GPM6A: variants seen among roughly 807,000 people sequenced by gnomAD.
GPM6A encodes glycoprotein M6A.
In GPM6A, 7 loss-of-function variants were observed where a neutral mutation model predicts 32.1. That is an observed-to-expected ratio of 0.22 (90% CI 0.12 to 0.41). GPM6A has a LOEUF of 0.41. Ranked by LOEUF, GPM6A falls within the 10% of genes least tolerant of loss-of-function variation. The pLI is 1.00. For synonymous variants in GPM6A, 130 were observed against 123.4 expected, an observed-to-expected ratio of 1.05 and a Z score of -0.35; for missense variants, 235 against 347.2, an observed-to-expected ratio of 0.68 and a Z score of 2.57.
chr4:175,944,136 C>T (rs1439583851), intron 1 of GPM6A, among the ~76,000 whole-genome samples: 1 of 152,164 alleles, frequency 6.6e-6, no homozygotes, highest in Non-Finnish European at 1.5e-5. Flanking sequence ...TTAACCATTT[C>T]TAGAAGCTTA....
chr4:175,680,915 C>A (rs941907171), intron 2 of GPM6A, among the ~76,000 whole-genome samples: 1 of 152,284 alleles, frequency 6.6e-6, no homozygotes, highest in African/African-American at 2.4e-5. Flanking sequence ...GAAAATTTCT[C>A]TATACAAATT....
chr4:175,987,553 T>TG (rs60212713), intron 1 of GPM6A, among the ~76,000 whole-genome samples: 8 of 151,424 alleles, frequency 5.3e-5, no homozygotes, highest in African/African-American at 9.8e-5. Context: ...TGTGTGTGTG[T>TG]TTGTCTTTAT....
At chr4:175,718,685 A>G (rs1378810075) in intron 1 of GPM6A, among the ~76,000 whole-genome samples, 2 of 152,202 alleles carry the variant, frequency 1.3e-5, no homozygotes, top group African/African-American at 2.4e-5. Flanking sequence ...TATGACACAC[A>G]CACATAAACC....
chr4:175,645,057 G>A (rs1049560186), intron 4 of GPM6A, among the ~76,000 whole-genome samples: 5 of 152,076 alleles, frequency 3.3e-5, no homozygotes, highest in South Asian at 2.1e-4. Flanking sequence ...ACGAGATCAC[G>A]CCACTGCACT....
intron 1 of GPM6A, among the ~76,000 whole-genome samples, chr4:175,765,074 A>G (rs1030111965): frequency 6.6e-6 from 1 of 151,784 alleles, no homozygotes; most frequent in African/African-American, 2.4e-5. Context: ...TGTTTTTTCT[A>G]TGTTGGCCAG....
At chr4:176,001,282 T>C (rs1461769406) in intron 1 of GPM6A, among the ~76,000 whole-genome samples, 1 of 152,124 alleles carries the variant, frequency 6.6e-6, no homozygotes, top group African/African-American at 2.4e-5. Flanking sequence ...CCAGTGGACT[T>C]GGCTGGAAGA....
intron 1 of GPM6A, among the ~76,000 whole-genome samples, chr4:175,802,116 C>T (rs13139218): frequency 0.04 from 6,035 of 151,910 alleles, 157 homozygotes; most frequent in South Asian, 0.077. Flanking sequence ...AATTTTCGTG[C>T]AGTGTTGCAA....
In GPM6A at chr4:175,964,100, A is replaced by G. The variant is rs192284177; in HGVS notation, c.-23+38209T>C. ...AGACAGAAAAACAGTAGAAGACAAA[A>G]AAAAGAGAGAGAGAGAAAGAAACAA... is the stretch of plus-strand genomic sequence containing the variant. On this transcript the variant is annotated intron_variant, in intron 1 of 7. Transcript: ENST00000280187. 3.8e-4 allele frequency among the ~76,000 whole-genome samples: 58 copies of G among 152,216 alleles called. 1 individual carries two copies. In the East Asian group the frequency reaches 0.01, roughly 26 times the overall value.
At chr4:175,864,852 A>G (rs1401321466) in intron 1 of GPM6A, among the ~76,000 whole-genome samples, 4 of 150,800 alleles carry the variant, frequency 2.7e-5, no homozygotes, top group African/African-American at 9.8e-5. Flanking sequence ...TTTCACCCAG[A>G]CTGGAGTGCA....
intron 1 of GPM6A, among the ~76,000 whole-genome samples, chr4:175,850,639 A>G (rs1433459888): frequency 6.6e-6 from 1 of 152,076 alleles, no homozygotes; most frequent in Admixed American, 6.6e-5. Context: ...AAATAATCTC[A>G]GGTGGAATTT....
chr4:175,637,155 G>T (rs1447136180), intron 6 of GPM6A, among the ~76,000 whole-genome samples: 3 of 73,724 alleles, frequency 4.1e-5, no homozygotes, highest in Non-Finnish European at 7.4e-5. Flanking sequence ...TATATTATAT[G>T]TCACATATAA....
chr4:175,783,268 T>C (rs548180722), intron 1 of GPM6A, among the ~76,000 whole-genome samples: 1 of 152,092 alleles, frequency 6.6e-6, no homozygotes, highest in Admixed American at 6.5e-5. Context: ...ATTTGTTTCC[T>C]ATTAAGTCAC....
intron 3 of GPM6A, among the ~76,000 whole-genome samples, chr4:175,662,712 G>A (rs944969335): frequency 6.6e-6 from 1 of 151,952 alleles, no homozygotes; most frequent in Non-Finnish European, 1.5e-5. Flanking sequence ...CTAACAGGTA[G>A]GAAGAGCAAT....
intron 1 of GPM6A, among the ~76,000 whole-genome samples, chr4:175,799,373 C>T (rs2111298368): frequency 6.6e-6 from 1 of 152,228 alleles, no homozygotes; most frequent in Non-Finnish European, 1.5e-5. Context: ...ATGACCTCTT[C>T]CAAAACGAGA....
At chr4:175,713,288 T>C (rs1745654841) in intron 1 of GPM6A, among the ~76,000 whole-genome samples, 1 of 152,130 alleles carries the variant, frequency 6.6e-6, no homozygotes, top group Non-Finnish European at 1.5e-5. Flanking sequence ...CTGCAACCTC[T>C]GCCTCCCGAT....
intron 1 of GPM6A, among the ~76,000 whole-genome samples, chr4:175,784,121 A>G (rs559252404): frequency 7.2e-5 from 11 of 152,218 alleles, no homozygotes; most frequent in African/African-American, 2.6e-4. Context: ...GGTGGATAAT[A>G]TGTGCTTCTG....
chr4:175,982,127 A>T (rs1466383799), intron 1 of GPM6A, among the ~76,000 whole-genome samples: 1 of 151,872 alleles, frequency 6.6e-6, no homozygotes, highest in Non-Finnish European at 1.5e-5. Context: ...ATTATTCTTT[A>T]TATATTTAGG....
chr4:175,637,614 T>C (rs762021732), intron 6 of GPM6A, among the ~76,000 whole-genome samples: 1,929 of 30,946 alleles, frequency 0.062, 40 homozygotes, highest in Non-Finnish European at 0.1. Context: ...ATATATAATA[T>C]ATAATATATA....
At chr4:175,841,532 A>G (rs958676934) in intron 1 of GPM6A, among the ~76,000 whole-genome samples, 1 of 152,210 alleles carries the variant, frequency 6.6e-6, no homozygotes, top group Non-Finnish European at 1.5e-5. Context: ...GGAAGTCTAT[A>G]AAAAGCAAAG....
Sources: allele counts gnomAD v4.1 joint callset (sites outside exome capture counted in the v4.1 genomes callset), GRCh38; gene constraint gnomAD v4.1.1; transcripts MANE v1.5; gene names NCBI Gene and HGNC (gene_info 2026-07-23, HGNC 2026-07-21).